The following RPS6KC1 variants were observed in gnomAD, a reference collection of about 807,000 sequenced individuals.
The protein encoded by RPS6KC1 is inactive ribosomal protein S6 kinase delta-1.
Under a neutral mutation model 103.8 loss-of-function variants are expected in RPS6KC1, and 54 were observed. The ratio of observed to expected loss-of-function variants is 0.52; its 90% CI spans 0.42 to 0.65. The LOEUF is 0.65. Ranked by LOEUF, RPS6KC1 falls within the 30% of genes least tolerant of loss-of-function variation. The pLI, the probability that RPS6KC1 is intolerant of heterozygous loss-of-function variation, is 0.00. For missense variants in RPS6KC1, 1,151 were observed against 1,253.8 expected (o/e 0.92, Z 1.24); for synonymous variants, 439 against 438.7 (o/e 1.00, Z -0.01).
chr1:213,409,538 T>A, the RPS6KC1 span, among the ~76,000 whole-genome samples: 1 of 152,106 alleles, frequency 6.6e-6, no homozygotes, highest in Non-Finnish European at 1.5e-5. Context: ...ATGTTTAGTA[T>A]TCAGCTTAGC....
At chr1:213,250,408 G>A (rs1000539019) in intron 12 of RPS6KC1, among the ~76,000 whole-genome samples, 3 of 152,134 alleles carry the variant, frequency 2.0e-5, no homozygotes, top group African/African-American at 7.2e-5. Flanking sequence ...AAGCAATTGA[G>A]TACAATGCTG....
the RPS6KC1 span, among the ~76,000 whole-genome samples, chr1:213,803,956 T>C: frequency 3.1e-5 from 2 of 64,744 alleles, no homozygotes; most frequent in Non-Finnish European, 5.5e-5. Context: ...CACTGGGGCC[T>C]GTCGGGGGGT....
At position 213,083,041 on chromosome 1, in the gene RPS6KC1, G is replaced by C. The variant is rs546929878; in HGVS notation, c.262+5225G>C. 6.1e-4 allele frequency among the ~76,000 whole-genome samples: 93 copies of C among 152,238 alleles called. 1 individual carries two copies. Among genetic ancestry groups the C allele is most frequent in the Non-Finnish European group, 1.1e-3 (73 of 68,024 alleles). On this transcript the variant is annotated intron_variant, in intron 3 of 14. Transcript: ENST00000366960. ...CTTGAGATTTGTGGCTATCACTTTTGTTTAATTGAGTAAACCCCAATAAGA... is the reference window on the plus strand; with the variant it reads ...CTTGAGATTTGTGGCTATCACTTTTCTTTAATTGAGTAAACCCCAATAAGA...
the RPS6KC1 span, among the ~76,000 whole-genome samples, chr1:213,355,780 T>C: frequency 5.1e-4 from 77 of 152,278 alleles, no homozygotes; most frequent in African/African-American, 1.7e-3. Flanking sequence ...AAGTAACAAA[T>C]ATTGTTATGG....
chr1:213,440,994 T>C, the RPS6KC1 span, among the ~76,000 whole-genome samples: 2 of 152,158 alleles, frequency 1.3e-5, no homozygotes, highest in Non-Finnish European at 2.9e-5. Context: ...AAAACACTCA[T>C]GTCTGGGCTC....
chr1:213,252,377 C>G (rs900324479), intron 12 of RPS6KC1, among the ~76,000 whole-genome samples: 1 of 152,144 alleles, frequency 6.6e-6, no homozygotes, highest in Non-Finnish European at 1.5e-5. Context: ...ATTTTTTTAA[C>G]CTTTCTCTAC....
intron 8 of RPS6KC1, among the ~76,000 whole-genome samples, chr1:213,182,825 TTC>T (rs2092338095): frequency 6.7e-6 from 1 of 148,442 alleles, no homozygotes. Context: ...TGAAGTGAGT[TTC>T]TTATATATCA....
At chr1:213,551,160 C>T in the RPS6KC1 span, among the ~76,000 whole-genome samples, 7 of 152,144 alleles carry the variant, frequency 4.6e-5, no homozygotes, top group South Asian at 4.1e-4. Context: ...GTCCCCAGCC[C>T]GACATCCAGA....
chr1:213,316,587 G>A, the RPS6KC1 span, among the ~76,000 whole-genome samples: 2 of 152,204 alleles, frequency 1.3e-5, no homozygotes, highest in Admixed American at 1.3e-4. Context: ...TCCTGGCCTT[G>A]TAAAGCTTTC....
intron 6 of RPS6KC1, among the ~76,000 whole-genome samples, chr1:213,152,574 G>C (rs2089304258): frequency 6.7e-6 from 1 of 150,284 alleles, no homozygotes; most frequent in Non-Finnish European, 1.5e-5. Flanking sequence ...GTTGCCGCCG[G>C]GCAGAGGTGC....
downstream of RPS6KC1, among the ~76,000 whole-genome samples, chr1:213,277,298 G>T (rs541403368): frequency 1.5e-4 from 23 of 152,344 alleles, no homozygotes; most frequent in South Asian, 4.3e-3. Flanking sequence ...TAAGATTTAT[G>T]ATCCTGCTGG....
intron 6 of RPS6KC1, among the ~76,000 whole-genome samples, chr1:213,152,626 C>T (rs531496164): frequency 0.042 from 6,351 of 149,994 alleles, 200 homozygotes; most frequent in African/African-American, 0.15. Context: ...AGGCGCTCCC[C>T]ACATCTCAGA....
chr1:213,590,596 C>T, the RPS6KC1 span, among the ~76,000 whole-genome samples: 1 of 152,110 alleles, frequency 6.6e-6, no homozygotes, highest in Admixed American at 6.5e-5. Flanking sequence ...CTGAGATGTC[C>T]TGAGTTGGGG....
At position 213,168,094 on chromosome 1, in the gene RPS6KC1, A is replaced by G. The variant is rs116712428; in HGVS notation, c.951+121A>G. The stretch of plus-strand genomic sequence containing the variant: ...TTTTTGAATTTTATTAATGATTTTC[A>G]TAAAGGTTGTTGGTAGAAAGAAATG... On this transcript the variant is annotated intron_variant, in intron 7 of 14. Transcript: ENST00000366960. 2.4e-3 allele frequency: 1,411 copies of G among 576,156 alleles called. 16 individuals are homozygous for G. In the African/African-American group the frequency reaches 0.025, roughly 10 times the overall value. 35.7% of individuals were successfully genotyped at this position (576,156 alleles called of 1,614,324 possible).
the RPS6KC1 span, among the ~76,000 whole-genome samples, chr1:213,296,731 A>T: frequency 1.7e-3 from 264 of 152,260 alleles, 1 homozygote; most frequent in African/African-American, 6.2e-3. Context: ...TGGTTCTTAG[A>T]AGCAGGAGAG....
chr1:213,487,766 AG>A, the RPS6KC1 span, among the ~76,000 whole-genome samples: 1 of 152,070 alleles, frequency 6.6e-6, no homozygotes, highest in African/African-American at 2.4e-5. Context: ...AGGGTATCTA[AG>A]GTTATTGATT....
chr1:213,291,963 A>G, the RPS6KC1 span, among the ~76,000 whole-genome samples: 4 of 152,092 alleles, frequency 2.6e-5, no homozygotes, highest in African/African-American at 4.8e-5. Context: ...CTTTCTACAT[A>G]TGGCTAGCCA....
rs757898119 is a variant in RPS6KC1 at position 213,262,786 on chromosome 1, C to G, written c.3060C>G (p.Val1020=). The G allele has an allele frequency of 1.2e-6, 2 of 1,612,360 alleles. No individual in the cohort carries two copies. The highest frequency in any genetic ancestry group is 1.7e-6 in the Non-Finnish European group (2 of 1,178,374). ...THTTLNMPEC[V]SEEARSLIQQ... ...CTACTTTGAACATGCCAGAATGTGT[C>G]TCTGAAGAGGCTCGCTCACTCATTC... Residue 1020 remains valine (V), a synonymous_variant, in exon 14 of 15, where the codon GTC becomes GTG. Coordinates refer to ENST00000366960, the MANE Select transcript of RPS6KC1 (RefSeq NM_012424.6).
the RPS6KC1 span, among the ~76,000 whole-genome samples, chr1:213,301,781 A>C: frequency 6.6e-6 from 1 of 151,560 alleles, no homozygotes; most frequent in South Asian, 2.1e-4. Context: ...CGCCCAGGCT[A>C]CTAGAGTGTA....
Sources: allele counts gnomAD v4.1 joint callset (sites outside exome capture counted in the v4.1 genomes callset), GRCh38; gene constraint gnomAD v4.1.1; transcripts MANE v1.5; gene names NCBI Gene and HGNC (gene_info 2026-07-23, HGNC 2026-07-21).